Variants in TENM1 observed in about 807,000 individuals in gnomAD.
TENM1 encodes teneurin transmembrane protein 1, also known as teneurin-1.
Under a neutral mutation model 174.8 loss-of-function variants are expected in TENM1, and 35 were observed. That is an observed-to-expected ratio of 0.20 (90% CI 0.15 to 0.27). The LOEUF is 0.27. Among genes scored for constraint, TENM1 ranks in the 10% least tolerant of loss-of-function variants. The probability of loss-of-function intolerance (pLI) is 1.00; values close to 1 mark genes in which losing one functional copy is unlikely to be tolerated. For missense variants in TENM1, 1,633 were observed against 2,130.1 expected (o/e 0.77, Z 4.59); for synonymous variants, 781 against 798.7 (o/e 0.98, Z 0.37).
chrX:124,702,710 C>T (rs2052803832), intron 5 of TENM1, among the ~76,000 whole-genome samples: 1 of 111,878 alleles, frequency 8.9e-6, no homozygotes, highest in Non-Finnish European at 1.9e-5. Context: ...GCTCAGCATC[C>T]TTATTTCTTA....
chrX:125,063,052 C>T, the TENM1 span, among the ~76,000 whole-genome samples: 1 of 112,134 alleles, frequency 8.9e-6, no homozygotes, highest in Non-Finnish European at 1.9e-5. Flanking sequence ...TTTCCTTGTC[C>T]TCTATGACAT....
chrX:124,805,580 G>C (rs112151573), intron 3 of TENM1, among the ~76,000 whole-genome samples: 1 of 112,943 alleles, frequency 8.9e-6, no homozygotes, highest in African/African-American at 3.2e-5. Flanking sequence ...CTCAATGTGT[G>C]TCCCTGCTGG....
At chrX:125,032,955 C>T in the TENM1 span, among the ~76,000 whole-genome samples, 26 of 112,078 alleles carry the variant, frequency 2.3e-4, no homozygotes, top group Admixed American at 1.6e-3. Flanking sequence ...TGCAAACTGA[C>T]ATCCATGATG....
the TENM1 span, among the ~76,000 whole-genome samples, chrX:125,103,678 G>A: frequency 8.9e-6 from 1 of 112,372 alleles, no homozygotes; most frequent in African/African-American, 3.2e-5. Flanking sequence ...AGTTAATCCT[G>A]CTTGCTTAAT....
intron 23 of TENM1, among the ~76,000 whole-genome samples, chrX:124,432,766 C>A (rs1836679497): frequency 9.0e-6 from 1 of 111,476 alleles, no homozygotes; most frequent in Non-Finnish European, 1.9e-5. Context: ...GTTTAGAATA[C>A]AAGACATTCC....
chrX:124,562,927 C>T (rs1421990596), intron 13 of TENM1, among the ~76,000 whole-genome samples: 1 of 111,726 alleles, frequency 9.0e-6, no homozygotes, highest in Non-Finnish European at 1.9e-5. Flanking sequence ...AGTGTTCCTT[C>T]TAAATAGTTT....
chrX:124,871,944 A>C (rs1443969005), intron 3 of TENM1, among the ~76,000 whole-genome samples: 1 of 108,055 alleles, frequency 9.3e-6, no homozygotes, highest in Non-Finnish European at 1.9e-5. Flanking sequence ...AGGCAGGAGA[A>C]TCGCTTGAAC....
intron 3 of TENM1, among the ~76,000 whole-genome samples, chrX:124,863,399 T>G (rs2056948223): frequency 9.0e-6 from 1 of 110,961 alleles, no homozygotes; most frequent in Non-Finnish European, 1.9e-5. Flanking sequence ...GCTCTAAAGG[T>G]TGAGTTCCAA....
intron 6 of TENM1, among the ~76,000 whole-genome samples, chrX:124,670,855 T>A (rs2148433648): frequency 9.0e-6 from 1 of 110,994 alleles, no homozygotes; most frequent in Admixed American, 9.6e-5. Flanking sequence ...GGAGGTAAGG[T>A]TTTGGTCATT....
intron 3 of TENM1, among the ~76,000 whole-genome samples, chrX:124,812,984 A>G (rs2055817505): frequency 1.8e-5 from 2 of 111,042 alleles, no homozygotes; most frequent in South Asian, 7.5e-4. Context: ...ACAATTATAC[A>G]CACTCACACA....
At chrX:125,168,960 C>G in the TENM1 span, among the ~76,000 whole-genome samples, 3 of 109,478 alleles carry the variant, frequency 2.7e-5, no homozygotes, top group Admixed American at 9.7e-5. Flanking sequence ...TGTTACACAG[C>G]CACAGAAAAC....
At chrX:125,148,194 T>C in the TENM1 span, among the ~76,000 whole-genome samples, 18 of 110,902 alleles carry the variant, frequency 1.6e-4, no homozygotes, top group African/African-American at 5.9e-4. Context: ...TCTTTGTATA[T>C]ATGTATATAC....
intron 3 of TENM1, among the ~76,000 whole-genome samples, chrX:124,772,381 C>T (rs1461202668): frequency 8.9e-6 from 1 of 111,921 alleles, no homozygotes; most frequent in Non-Finnish European, 1.9e-5. Flanking sequence ...AGTGATCTGC[C>T]CTCCTTGGCT....
chrX:124,463,867 GTGTGTGTGTGGA>G (rs2061210547), intron 22 of TENM1, among the ~76,000 whole-genome samples: 1 of 106,924 alleles, frequency 9.4e-6, no homozygotes, highest in African/African-American at 3.4e-5. Flanking sequence ...GTGTGTGTGT[GTGTGTGTGTGGA>G]GAGAGAGAGA....
the TENM1 span, among the ~76,000 whole-genome samples, chrX:125,170,597 G>C: frequency 9.0e-6 from 1 of 111,125 alleles, no homozygotes; most frequent in Non-Finnish European, 1.9e-5. Context: ...TGAAGAAGTT[G>C]ATTCTGAAGA....
At chrX:124,531,956 T>C (rs1333425404) in intron 15 of TENM1, among the ~76,000 whole-genome samples, 1 of 110,616 alleles carries the variant, frequency 9.0e-6, no homozygotes, top group Non-Finnish European at 1.9e-5. Context: ...GGAAACAAGC[T>C]GAGAAAATCT....
At chrX:125,113,678 T>C in the TENM1 span, among the ~76,000 whole-genome samples, 1 of 111,115 alleles carries the variant, frequency 9.0e-6, no homozygotes, top group East Asian at 2.8e-4. Flanking sequence ...CATTACATAA[T>C]GGTAAAGGGA....
the TENM1 span, among the ~76,000 whole-genome samples, chrX:125,200,692 C>T: frequency 2.0e-5 from 2 of 102,511 alleles, no homozygotes; most frequent in South Asian, 8.4e-4. Flanking sequence ...AATATGAGTA[C>T]TATAAGAAAA....
At chrX:125,064,416 T>TCCTA in the TENM1 span, among the ~76,000 whole-genome samples, 1 of 110,337 alleles carries the variant, frequency 9.1e-6, no homozygotes, top group Non-Finnish European at 1.9e-5. Flanking sequence ...AAACAATATT[T>TCCTA]ATGGCAAAGT....
Sources: allele counts gnomAD v4.1 joint callset (sites outside exome capture counted in the v4.1 genomes callset), GRCh38; gene constraint gnomAD v4.1.1; transcripts MANE v1.5; gene names NCBI Gene and HGNC (gene_info 2026-07-23, HGNC 2026-07-21).